Variants in PFKFB3 observed in about 807,000 individuals in gnomAD.
PFKFB3 encodes the protein 6-phosphofructo-2-kinase/fructose-2,6-biphosphatase 3.
In PFKFB3, 33 loss-of-function variants were observed where a neutral mutation model predicts 68.0. The observed-to-expected ratio is 0.49, with a 90% CI of 0.37 to 0.65. The LOEUF (loss-of-function observed/expected upper bound fraction) is 0.65. PFKFB3 is among the 30% of genes least tolerant of loss of function. The pLI, the probability that PFKFB3 is intolerant of heterozygous loss-of-function variation, is 0.00. For missense variants in PFKFB3, 586 were observed against 712.2 expected (o/e 0.82, Z 2.02); for synonymous variants, 315 against 288.2 (o/e 1.09, Z -0.94).
At chr10:6,152,899 G>C (rs946856666) in intron 1 of PFKFB3, among the ~76,000 whole-genome samples, 4 of 151,922 alleles carry the variant, frequency 2.6e-5, no homozygotes, top group African/African-American at 9.7e-5. Context: ...GGAAGAAGAG[G>C]CTGGGCACGG....
At chr10:6,290,497 T>TG in the PFKFB3 span, among the ~76,000 whole-genome samples, 206 of 134,382 alleles carry the variant, frequency 1.5e-3, no homozygotes, top group Non-Finnish European at 2.3e-3. Flanking sequence ...TTTTTGTCTT[T>TG]GATTTTTTTT....
chr10:6,207,447 G>A (rs935129299), intron 1 of PFKFB3, among the ~76,000 whole-genome samples: 2 of 152,156 alleles, frequency 1.3e-5, no homozygotes, highest in South Asian at 4.1e-4. Context: ...GAGGGAGAGG[G>A]AGCTGGAGCT....
chr10:6,206,400 C>G (rs1178565744), intron 1 of PFKFB3, among the ~76,000 whole-genome samples: 3 of 130,764 alleles, frequency 2.3e-5, no homozygotes, highest in Admixed American at 7.5e-5. Context: ...TTTCCCCGCC[C>G]CTTTCCCCCC....
chr10:6,237,473 T>C (rs1316618907), downstream of PFKFB3, among the ~76,000 whole-genome samples: 1 of 152,252 alleles, frequency 6.6e-6, no homozygotes, highest in East Asian at 1.9e-4. Flanking sequence ...AAAGATGTCG[T>C]TGAAAGTAAC....
intron 1 of PFKFB3, among the ~76,000 whole-genome samples, chr10:6,166,642 T>G (rs1346147088): frequency 6.6e-6 from 1 of 152,042 alleles, no homozygotes; most frequent in Non-Finnish European, 1.5e-5. Context: ...GGAGGCAGCC[T>G]CCCATCTCAC....
At chr10:6,182,599 C>G (rs532800356) in intron 1 of PFKFB3, among the ~76,000 whole-genome samples, 1 of 152,164 alleles carries the variant, frequency 6.6e-6, no homozygotes, top group Non-Finnish European at 1.5e-5. Context: ...CAGTAGGTCC[C>G]GAGCGGGAGT....
chr10:6,317,890 A>G, the PFKFB3 span, among the ~76,000 whole-genome samples: 2 of 152,356 alleles, frequency 1.3e-5, no homozygotes, highest in Middle Eastern at 6.8e-3. Context: ...TATTCTCAGT[A>G]GCCAGTGATT....
upstream of PFKFB3, among the ~76,000 whole-genome samples, chr10:6,201,291 C>A (rs1183787723): frequency 6.6e-6 from 1 of 152,042 alleles, no homozygotes; most frequent in Non-Finnish European, 1.5e-5. The surrounding 1 kb of genome is among the most constrained non-coding windows in gnomAD (Gnocchi z 4.1). Context: ...TCGCCTCTGG[C>A]ATGTGCTCCC....
upstream of PFKFB3, chr10:6,144,931 G>C (rs915579154): frequency 2.5e-6 from 3 of 1,201,780 alleles, no homozygotes; most frequent in African/African-American, 4.7e-5. Flanking sequence ...GAGTCGCGGG[G>C]CTGCCGCTTG....
the PFKFB3 span, among the ~76,000 whole-genome samples, chr10:6,310,286 T>C: frequency 2.0e-5 from 3 of 152,064 alleles, no homozygotes; most frequent in Admixed American, 6.6e-5. Flanking sequence ...CTAGGTCTCG[T>C]TGGGATTTTT....
intron 9 of PFKFB3, 43 bp downstream of exon 9, chr10:6,221,570 G>T (rs752451928): frequency 3.1e-6 from 5 of 1,611,860 alleles, no homozygotes; most frequent in Non-Finnish European, 4.2e-6. Context: ...CCTCGGGCAT[G>T]GGGCGGCTTC....
the PFKFB3 span, among the ~76,000 whole-genome samples, chr10:6,301,587 T>A: frequency 6.6e-6 from 1 of 152,212 alleles, no homozygotes; most frequent in Non-Finnish European, 1.5e-5. Flanking sequence ...AACAGATAGA[T>A]TGAGGAAAGT....
chr10:6,178,861 C>G, intron 1 of PFKFB3, among the ~76,000 whole-genome samples: 1 of 152,222 alleles, frequency 6.6e-6, no homozygotes, highest in Non-Finnish European at 1.5e-5. Flanking sequence ...ACGCAGCGCA[C>G]TGGTCCCTAC....
intron 1 of PFKFB3, among the ~76,000 whole-genome samples, chr10:6,192,347 C>A (rs555762893): frequency 6.7e-6 from 1 of 149,036 alleles, no homozygotes; most frequent in Admixed American, 6.8e-5. Context: ...AAAACCTGCC[C>A]GTTTTTTTTT....
chr10:6,193,567 A>G (rs552032682), intron 1 of PFKFB3, among the ~76,000 whole-genome samples: 1 of 152,342 alleles, frequency 6.6e-6, no homozygotes, highest in Non-Finnish European at 1.5e-5. Context: ...TTTCTGTCTC[A>G]GGTGTCCGTG....
chr10:6,161,581 C>T (rs1187451367), intron 1 of PFKFB3, among the ~76,000 whole-genome samples: 1 of 150,926 alleles, frequency 6.6e-6, no homozygotes, highest in Non-Finnish European at 1.5e-5. Flanking sequence ...TATATACACA[C>T]ACACATATAT....
chr10:6,263,276 C>G, the PFKFB3 span, among the ~76,000 whole-genome samples: 1 of 152,238 alleles, frequency 6.6e-6, no homozygotes, highest in Admixed American at 6.5e-5. Flanking sequence ...GCACAGATTA[C>G]TCATGCTGTT....
chr10:6,238,056 C>T (rs890419303), downstream of PFKFB3, among the ~76,000 whole-genome samples: 3 of 151,948 alleles, frequency 2.0e-5, no homozygotes, highest in African/African-American at 7.3e-5. Context: ...AAAAGAAAAC[C>T]CCCATAAAGA....
At chr10:6,189,435 G>A (rs1842967015) in intron 1 of PFKFB3, among the ~76,000 whole-genome samples, 1 of 151,248 alleles carries the variant, frequency 6.6e-6, no homozygotes, top group South Asian at 2.1e-4. Flanking sequence ...TTAGCTTTAG[G>A]TTCTGTGTGT....
Sources: gnomAD v4.1 joint callset for allele counts (sites outside exome capture counted in the v4.1 genomes callset) on GRCh38, gnomAD v4.1.1 for gene constraint, Gnocchi (gnomAD v3.1) non-coding constraint, MANE v1.5 for transcripts, NCBI Gene and HGNC (gene_info 2026-07-23, HGNC 2026-07-21) for gene names.